The following FCHO2 variants were observed in gnomAD, a reference collection of about 807,000 sequenced individuals.
The protein encoded by FCHO2 is F-BAR domain only protein 2.
In FCHO2, 43 loss-of-function variants were observed where a neutral mutation model predicts 114.1. The ratio of observed to expected loss-of-function variants is 0.38; its 90% confidence interval spans 0.30 to 0.49. The LOEUF (loss-of-function observed/expected upper bound fraction) is 0.49, where lower values mean the gene tolerates loss of function less well. Ranked by LOEUF, FCHO2 falls within the 20% of genes least tolerant of loss-of-function variation. FCHO2 has a pLI of 0.97. For synonymous variants in FCHO2, 293 were observed against 315.2 expected (o/e 0.93, Z 0.75); for missense variants, 807 against 950.4 (o/e 0.85, Z 1.98).
intron 8 of FCHO2, among the ~76,000 whole-genome samples, chr5:73,028,064 G>A (rs1021777730): frequency 3.3e-5 from 5 of 152,140 alleles, no homozygotes; most frequent in East Asian, 1.9e-4. Flanking sequence ...GCGTGGTGTT[G>A]TGCACCTGTA....
intron 10 of FCHO2, among the ~76,000 whole-genome samples, chr5:73,037,612 C>CT: frequency 6.6e-6 from 1 of 152,180 alleles, no homozygotes; most frequent in South Asian, 2.1e-4. Context: ...CTAGACAATT[C>CT]TGAGTGTACA....
At chr5:73,027,018 G>GT (rs1369730233) in intron 8 of FCHO2, among the ~76,000 whole-genome samples, 1,279 of 107,110 alleles carry the variant, frequency 0.012, 10 homozygotes, top group African/African-American at 0.024. Context: ...TTGTTTGTTT[G>GT]TTTTTTTTTT....
chr5:73,001,103 A>G (rs1754407676), intron 5 of FCHO2, among the ~76,000 whole-genome samples: 1 of 152,060 alleles, frequency 6.6e-6, no homozygotes, highest in South Asian at 2.1e-4. Context: ...TTCAGAAAAT[A>G]TACATGTTTC....
intron 1 of FCHO2, among the ~76,000 whole-genome samples, chr5:72,967,611 T>C (rs899931265): frequency 1.3e-5 from 2 of 152,152 alleles, no homozygotes; most frequent in Non-Finnish European, 2.9e-5. Context: ...TCCTTAAAAT[T>C]TCATACTTAA....
At position 73,001,550 on chromosome 5, in the gene FCHO2, CA is replaced by C. The variant is rs934598736; in HGVS notation, c.496-4894del. 3.3e-4 allele frequency among the ~76,000 whole-genome samples: 49 copies of C among 147,694 alleles called. 1 individual carries two copies. Among genetic ancestry groups the C allele is most frequent in the African/African-American group, 1.1e-3 (45 of 40,288 alleles). ...ATGCTTCTCTATTTCTTTTTTCTTT[CA>C]TTTTTTTTCTCCCTATCATCTTGTA... On this transcript the variant is annotated intron_variant, in intron 5 of 25. Coordinates refer to ENST00000430046, the MANE Select transcript of FCHO2 (RefSeq NM_138782.3).
At position 73,015,665 on chromosome 5, in the gene FCHO2, A is replaced by G. The variant is rs1343291593; in HGVS notation, c.640A>G (p.Lys214Glu). The G allele has an allele frequency of 1.3e-6, 2 of 1,581,772 alleles. No homozygotes were observed. Among genetic ancestry groups the G allele is most frequent in the Non-Finnish European group, 1.7e-6 (2 of 1,169,476 alleles). Reference protein sequence around the residue: ...DIEETHLIHIKEIIGSLSNAI... With the variant: ...DIEETHLIHIEEIIGSLSNAI... ...TGAAGAAACTCATCTCATTCACATA[A>G]AGGAAATTATAGGATCCTTGTCAAA... Residue 214 changes from lysine (K) to glutamate (E), a missense_variant, in exon 7 of 26, where the codon AAG becomes GAG. Transcript: ENST00000430046.
At chr5:73,062,412 C>A (rs1757894157) in intron 17 of FCHO2, among the ~76,000 whole-genome samples, 3 of 152,062 alleles carry the variant, frequency 2.0e-5, no homozygotes, top group Admixed American at 6.6e-5. Flanking sequence ...GCTGTGTAAA[C>A]TCTCTCACAA....
chr5:72,991,635 T>C (rs1173600287), intron 5 of FCHO2, among the ~76,000 whole-genome samples: 1 of 152,130 alleles, frequency 6.6e-6, no homozygotes, highest in Non-Finnish European at 1.5e-5. Flanking sequence ...GAAAGTAGCT[T>C]TTTTTTTCTC....
chr5:73,020,479 A>G (rs1755558964), intron 8 of FCHO2, among the ~76,000 whole-genome samples: 1 of 152,220 alleles, frequency 6.6e-6, no homozygotes, highest in Non-Finnish European at 1.5e-5. Flanking sequence ...GTGACTGGAT[A>G]CTGAACAGAA....
rs1423440967 is a variant in FCHO2 at position 73,022,214 on chromosome 5, T to C, written c.796+4906T>C. ...GAACCTAAACTGATGAACGATAACC[T>C]TTTTTCCCTGGGTCACAAATGATCC... is the stretch of plus-strand genomic sequence containing the variant. On this transcript the variant is annotated intron_variant, in intron 8 of 25. Transcript: ENST00000430046. Among the ~76,000 whole-genome samples the C allele has an allele frequency of 2.0e-5, 3 of 152,246 alleles. No individual in the cohort carries two copies. In the East Asian group the frequency reaches 5.8e-4, roughly 29 times the overall value.
chr5:73,023,237 T>C (rs1755725667), intron 8 of FCHO2, among the ~76,000 whole-genome samples: 2 of 152,238 alleles, frequency 1.3e-5, no homozygotes, highest in African/African-American at 4.8e-5. Flanking sequence ...AGGTTGTATA[T>C]GTATTTCAGG....
chr5:72,988,849 C>G (rs1753676835), intron 2 of FCHO2, among the ~76,000 whole-genome samples: 1 of 152,204 alleles, frequency 6.6e-6, no homozygotes, highest in African/African-American at 2.4e-5. Context: ...CAAGAAGTAG[C>G]ACTCATGTAT....
intron 14 of FCHO2, 119 bp downstream of exon 14, chr5:73,054,290 G>T: frequency 2.0e-6 from 2 of 975,790 alleles, no homozygotes; most frequent in South Asian, 3.5e-5. Flanking sequence ...GTGTTTTGTT[G>T]TAGATGTTGC....
chr5:73,065,594 G>A (rs1742272910), intron 18 of FCHO2, among the ~76,000 whole-genome samples: 1 of 151,980 alleles, frequency 6.6e-6, no homozygotes, highest in Admixed American at 6.6e-5. Flanking sequence ...GTTAATACAT[G>A]TAAAACAGAA....
intron 2 of FCHO2, among the ~76,000 whole-genome samples, chr5:72,980,902 G>A (rs1753171169): frequency 6.6e-6 from 1 of 152,048 alleles, no homozygotes; most frequent in East Asian, 1.9e-4. Context: ...CATCCAATTT[G>A]CGAGTCTTTG....
At chr5:72,961,911 T>A (rs896704125) in intron 1 of FCHO2, among the ~76,000 whole-genome samples, 7 of 152,192 alleles carry the variant, frequency 4.6e-5, no homozygotes, top group Non-Finnish European at 8.8e-5. Context: ...CAATTTCTTA[T>A]ATGGTTTTCC....
In FCHO2 at chr5:73,056,884, T is replaced by C. The variant is rs143104699; in HGVS notation, c.1253+777T>C. On this transcript the variant is annotated intron_variant, in intron 16 of 25. Transcript: ENST00000430046. ...TGCCAGCTCTTCTTAAAAAAAAAAA[T>C]GTTAAGCCAATGTTTCATGGGTCTC... Among the ~76,000 whole-genome samples the C allele has an allele frequency of 2.6e-3, 399 of 151,752 alleles. 1 individual carries two copies. The highest frequency in any genetic ancestry group is 8.8e-3 in the African/African-American group (363 of 41,342).
intron 1 of FCHO2, among the ~76,000 whole-genome samples, chr5:72,958,391 T>C (rs533546364): frequency 1.3e-5 from 2 of 152,358 alleles, no homozygotes; most frequent in South Asian, 2.1e-4. Context: ...AACTTCATTC[T>C]TTTGCAATTG....
chr5:73,001,448 C>CAAAAA (rs1215202339), intron 5 of FCHO2, among the ~76,000 whole-genome samples: 171 of 64,834 alleles, frequency 2.6e-3, no homozygotes, highest in Middle Eastern at 0.012. Context: ...GATCCTGTCT[C>CAAAAA]AAAAAAAAAA....
Sources: allele counts gnomAD v4.1 joint callset (sites outside exome capture counted in the v4.1 genomes callset), GRCh38; gene constraint gnomAD v4.1.1; transcripts MANE v1.5; gene names NCBI Gene and HGNC (gene_info 2026-07-23, HGNC 2026-07-21).